The following PHLDB2 variants were observed in gnomAD, a reference collection of about 807,000 sequenced individuals.
PHLDB2 encodes the protein pleckstrin homology-like domain family B member 2.
In PHLDB2, 71 loss-of-function variants were observed where a neutral mutation model predicts 123.6. That is an observed-to-expected ratio of 0.57 (90% confidence interval 0.47 to 0.70). The LOEUF is 0.70. PHLDB2 is among the 30% of genes least tolerant of loss of function. The probability of loss-of-function intolerance (pLI) is 0.00; values close to 1 mark genes in which losing one functional copy is unlikely to be tolerated. For missense variants in PHLDB2, 1,446 were observed against 1,519.5 expected, an observed-to-expected ratio of 0.95 and a Z score of 0.80; for synonymous variants, 547 against 541.6, an observed-to-expected ratio of 1.01 and a Z score of -0.14.
chr3:111,733,709 A>T (rs935764406), intron 1 of PHLDB2, among the ~76,000 whole-genome samples: 1 of 152,172 alleles, frequency 6.6e-6, no homozygotes, highest in Non-Finnish European at 1.5e-5. Context: ...AAACATGGAA[A>T]TTTTCCCCTT....
chr3:111,776,877 GA>G lies in PHLDB2; in HGVS notation c.-49+44176del, dbSNP rs1281762764. Among the ~76,000 whole-genome samples, 4 of 152,246 alleles carry G rather than the reference GA, an allele frequency of 2.6e-5. No homozygotes were observed. In the East Asian group the frequency reaches 7.7e-4, roughly 29 times the overall value. On this transcript the variant is annotated intron_variant, in intron 1 of 17. Coordinates refer to the PHLDB2 transcript ENST00000393923. ...CATTCTGTCCAAAGATGCTTAAGCT[GA>G]AGACACTTAAGTATATTTCCAAGGA...
chr3:111,768,628 A>G (rs926837211), intron 1 of PHLDB2, among the ~76,000 whole-genome samples: 2 of 152,158 alleles, frequency 1.3e-5, no homozygotes, highest in Non-Finnish European at 2.9e-5. Context: ...TCCCTCACCC[A>G]CACCCTCGGA....
chr3:111,754,432 C>T, intron 1 of PHLDB2, among the ~76,000 whole-genome samples: 1 of 97,968 alleles, frequency 1.0e-5, no homozygotes, highest in East Asian at 3.4e-4. Context: ...GGAGTTCACT[C>T]ATGATTTGGC....
At chr3:111,834,842 A>G (rs947253869) in intron 1 of PHLDB2, among the ~76,000 whole-genome samples, 4 of 152,002 alleles carry the variant, frequency 2.6e-5, no homozygotes, top group Non-Finnish European at 5.9e-5. Flanking sequence ...CCTTGGCTAT[A>G]TTTTTAAGTC....
chr3:111,921,546 A>G (rs182756582), intron 5 of PHLDB2, among the ~76,000 whole-genome samples: 3 of 152,164 alleles, frequency 2.0e-5, no homozygotes, highest in Admixed American at 2.0e-4. Flanking sequence ...AGCATGTCAG[A>G]ATTAAACTGC....
chr3:111,778,501 C>T (rs1052560560), intron 1 of PHLDB2: 1 of 152,042 alleles, frequency 6.6e-6, no homozygotes, highest in African/African-American at 2.4e-5. Flanking sequence ...AGCAAACTAA[C>T]AAGATGCATT....
intron 1 of PHLDB2, chr3:111,883,825 T>C: frequency 6.7e-6 from 3 of 446,484 alleles, no homozygotes; most frequent in Non-Finnish European, 7.9e-6. Flanking sequence ...TTTGTTTCGC[T>C]CAAATGTCAT....
At chr3:111,789,331 C>T (rs149233789) in intron 1 of PHLDB2, among the ~76,000 whole-genome samples, 184 of 152,250 alleles carry the variant, frequency 1.2e-3, no homozygotes, top group African/African-American at 4.3e-3. Flanking sequence ...ATGGGAACTA[C>T]GTAGTCATTT....
intron 1 of PHLDB2, among the ~76,000 whole-genome samples, chr3:111,820,588 C>T (rs1004690174): frequency 6.6e-6 from 1 of 152,242 alleles, no homozygotes; most frequent in African/African-American, 2.4e-5. Context: ...GTTCAATCCA[C>T]ATAACTTACA....
At chr3:111,765,899 CACACAT>C (rs761633458) in intron 1 of PHLDB2, among the ~76,000 whole-genome samples, 1 of 112,088 alleles carries the variant, frequency 8.9e-6, no homozygotes, top group South Asian at 2.6e-4. Context: ...TGCACACACA[CACACAT>C]ACACATACAC....
chr3:111,944,670 G>T (rs533917095), intron 8 of PHLDB2, among the ~76,000 whole-genome samples: 3 of 150,460 alleles, frequency 2.0e-5, no homozygotes, highest in African/African-American at 4.9e-5. Flanking sequence ...ATTTTTGTTG[G>T]TTTTTTTTTT....
At position 111,878,486 on chromosome 3, in the gene PHLDB2, T is replaced by C. The variant is rs141381184; in HGVS notation, c.-14-5578T>C. ...ATGGGGTTTTCTAAATATACAATCA[T>C]GTCATCTGCAAACAGAGACAATTGA... On this transcript the variant is annotated intron_variant, in intron 1 of 17. Transcript: ENST00000431670. Among the ~76,000 whole-genome samples, 158 of 152,344 alleles carry C rather than the reference T, an allele frequency of 1.0e-3. No homozygotes were observed. In the East Asian group the frequency reaches 0.03, roughly 29 times the overall value.
intron 1 of PHLDB2, among the ~76,000 whole-genome samples, chr3:111,825,805 T>A (rs1308557858): frequency 6.6e-6 from 1 of 152,188 alleles, no homozygotes; most frequent in African/African-American, 2.4e-5. Flanking sequence ...TGAAGGTTTT[T>A]TTAATTTGAA....
chr3:111,827,383 A>G (rs1485557019), intron 1 of PHLDB2, among the ~76,000 whole-genome samples: 1 of 152,206 alleles, frequency 6.6e-6, no homozygotes. Flanking sequence ...GACTCGGTTA[A>G]GGAAAGACCA....
chr3:111,858,042 T>A (rs1469090987), upstream of PHLDB2, among the ~76,000 whole-genome samples: 2 of 152,146 alleles, frequency 1.3e-5, no homozygotes, highest in Non-Finnish European at 2.9e-5. Context: ...TAACAAAGAC[T>A]TGGAACCAAC....
chr3:111,854,674 T>C (rs1258272626), upstream of PHLDB2, among the ~76,000 whole-genome samples: 1 of 152,194 alleles, frequency 6.6e-6, no homozygotes, highest in African/African-American at 2.4e-5. Flanking sequence ...ATTCATAATA[T>C]CACTGTATGT....
chr3:111,802,408 C>G (rs182354411), intron 1 of PHLDB2, among the ~76,000 whole-genome samples: 171 of 152,272 alleles, frequency 1.1e-3, no homozygotes, highest in Admixed American at 1.8e-3. Flanking sequence ...ACCCACTAGC[C>G]TTGTATCTCA....
chr3:111,837,382 GA>G (rs2063464671), intron 1 of PHLDB2, among the ~76,000 whole-genome samples: 1 of 152,148 alleles, frequency 6.6e-6, no homozygotes, highest in South Asian at 2.1e-4. Flanking sequence ...TATTAATAAA[GA>G]GGGGGTGGCA....
At chr3:111,939,380 T>A in intron 6 of PHLDB2, 95 bp from the exon 7 acceptor site, 1 of 1,273,322 alleles carries the variant, frequency 7.9e-7, no homozygotes, top group Non-Finnish European at 1.1e-6. Flanking sequence ...ACTGGAAAGA[T>A]ATCTTGGACC....
Sources: gnomAD v4.1 joint callset for allele counts (sites outside exome capture counted in the v4.1 genomes callset) on GRCh38, gnomAD v4.1.1 for gene constraint, MANE v1.5 for transcripts, NCBI Gene and HGNC (gene_info 2026-07-23, HGNC 2026-07-21) for gene names.